The following FSHR variants were observed in gnomAD, a reference collection of about 807,000 sequenced individuals.
FSHR encodes follicle-stimulating hormone receptor.
In FSHR, 46 loss-of-function variants were observed where a neutral mutation model predicts 52.1. That is an observed-to-expected ratio of 0.88 (90% CI 0.70 to 1.13). The LOEUF (loss-of-function observed/expected upper bound fraction) is 1.13. Ranked by LOEUF, FSHR falls within the 50% of genes most tolerant of loss-of-function variation. The pLI is 0.00. For synonymous variants in FSHR, 399 were observed against 309.6 expected, an observed-to-expected ratio of 1.29 and a Z score of -3.03; for missense variants, 964 against 834.6, an observed-to-expected ratio of 1.16 and a Z score of -1.91.
At chr2:49,145,530 G>A (rs1193808722) in intron 1 of FSHR, among the ~76,000 whole-genome samples, 1 of 152,040 alleles carries the variant, frequency 6.6e-6, no homozygotes, top group Admixed American at 6.6e-5. Context: ...CTGGCATCAG[G>A]CAGGCAGGTA....
At chr2:48,997,179 C>T (rs186542494) in intron 4 of FSHR, 139 of 967,976 alleles carry the variant, frequency 1.4e-4, no homozygotes, top group Middle Eastern at 5.2e-4. Context: ...GTTCACTTAC[C>T]TTTTCAGAGT....
chr2:49,139,476 C>A (rs1214467671), intron 1 of FSHR, among the ~76,000 whole-genome samples: 6 of 152,044 alleles, frequency 3.9e-5, no homozygotes, highest in Non-Finnish European at 5.9e-5. Flanking sequence ...CCAAGCTGAC[C>A]ATGGAAGACC....
chr2:49,128,864 T>C (rs1381548584), intron 1 of FSHR, among the ~76,000 whole-genome samples: 7 of 151,902 alleles, frequency 4.6e-5, no homozygotes, highest in African/African-American at 1.7e-4. Context: ...AGAACTGATA[T>C]CAGAAGACAG....
At chr2:48,997,543 C>A (rs2104130142) in intron 4 of FSHR, among the ~76,000 whole-genome samples, 1 of 151,712 alleles carries the variant, frequency 6.6e-6, no homozygotes, top group African/African-American at 2.4e-5. Context: ...GGTTTCAAGT[C>A]CTCCTGGCCT....
At chr2:49,046,583 C>T (rs1478421577) in intron 2 of FSHR, among the ~76,000 whole-genome samples, 1 of 152,168 alleles carries the variant, frequency 6.6e-6, no homozygotes, top group Non-Finnish European at 1.5e-5. Flanking sequence ...CAACAAATGG[C>T]AGCTGTGATT....
chr2:49,149,535 T>C (rs763748478), intron 1 of FSHR, among the ~76,000 whole-genome samples: 3 of 152,084 alleles, frequency 2.0e-5, no homozygotes, highest in Non-Finnish European at 4.4e-5. Context: ...ATCCTCAGAA[T>C]ACTCTTAGAA....
intron 2 of FSHR, among the ~76,000 whole-genome samples, chr2:49,064,019 A>C (rs1193196496): frequency 6.6e-6 from 1 of 151,846 alleles, no homozygotes; most frequent in African/African-American, 2.4e-5. Context: ...AAAAAGAAAA[A>C]ACTGTGGAAC....
At chr2:49,049,813 G>T (rs951100750) in intron 2 of FSHR, among the ~76,000 whole-genome samples, 16 of 135,020 alleles carry the variant, frequency 1.2e-4, no homozygotes, top group African/African-American at 4.6e-4. Context: ...GACTCATATA[G>T]CCCCTACTCT....
chr2:49,127,884 TTCTTCTTCTTCTTC>T (rs1558457027), intron 1 of FSHR, among the ~76,000 whole-genome samples: 2,385 of 44,750 alleles, frequency 0.053, 294 homozygotes, highest in Middle Eastern at 0.076. Context: ...CTTCTTCTTC[TTCTTCTTCTTCTTC>T]TTTTTTTTTT....
At chr2:49,049,764 A>G (rs927699532) in intron 2 of FSHR, among the ~76,000 whole-genome samples, 1 of 151,698 alleles carries the variant, frequency 6.6e-6, no homozygotes, top group African/African-American at 2.4e-5. Context: ...GGGAACATCT[A>G]TAAAATTACA....
chr2:49,089,111 ATATT>A (rs1008604633), intron 1 of FSHR, among the ~76,000 whole-genome samples: 1 of 151,234 alleles, frequency 6.6e-6, no homozygotes, highest in Non-Finnish European at 1.5e-5. Flanking sequence ...ATATAATATA[ATATT>A]TATTTATATG....
chr2:49,072,772 A>G (rs1669784328), intron 1 of FSHR, among the ~76,000 whole-genome samples: 1 of 152,164 alleles, frequency 6.6e-6, no homozygotes. Flanking sequence ...CAAAAGGTTT[A>G]CTAAAATGGT....
Position 49,127,790 on chromosome 2 carries a change from C to CTTG in FSHR, c.152+26475_152+26476insCAA, listed in dbSNP as rs1558456362. On this transcript the variant is annotated intron_variant, in intron 1 of 9. Coordinates refer to ENST00000406846, the MANE Select transcript of FSHR (RefSeq NM_000145.4). ...TCTTCTTCTTCTTCTTCTTCTTCTT[C>CTTG]TTCTTCTTCTTCTTCTTCTTCTTCT... Among the ~76,000 whole-genome samples, 58 of 53,818 alleles carry CTTG rather than the reference C, an allele frequency of 1.1e-3. 2 individuals are homozygous for CTTG. The highest frequency in any genetic ancestry group is 1.8e-3 in the Non-Finnish European group (52 of 29,548). 35.3% of individuals were successfully genotyped at this position (53,818 alleles called of 152,430 possible).
chr2:49,096,966 C>A (rs62162106), intron 1 of FSHR, among the ~76,000 whole-genome samples: 17 of 152,104 alleles, frequency 1.1e-4, no homozygotes, highest in African/African-American at 3.9e-4. Context: ...GTCTCCCCAG[C>A]CCCAGAAGCC....
intron 2 of FSHR, among the ~76,000 whole-genome samples, chr2:49,020,651 A>G (rs191848257): frequency 1.3e-5 from 2 of 152,310 alleles, no homozygotes; most frequent in East Asian, 3.9e-4. Flanking sequence ...CTGTGTTCCA[A>G]TAAAACTTTA....
At chr2:49,100,010 G>T (rs1670968187) in intron 1 of FSHR, among the ~76,000 whole-genome samples, 1 of 152,112 alleles carries the variant, frequency 6.6e-6, no homozygotes, top group South Asian at 2.1e-4. Flanking sequence ...GCATATTTGT[G>T]AGCACTAATA....
At chr2:48,975,146 C>T (rs1229498490) in intron 8 of FSHR, among the ~76,000 whole-genome samples, 1 of 151,986 alleles carries the variant, frequency 6.6e-6, no homozygotes, top group African/African-American at 2.4e-5. Context: ...GAGGGTATTT[C>T]CAGAAGAGAT....
chr2:49,147,762 C>G (rs1239838386), intron 1 of FSHR, among the ~76,000 whole-genome samples: 2 of 151,712 alleles, frequency 1.3e-5, no homozygotes, highest in African/African-American at 4.8e-5. Flanking sequence ...GGAATATAAA[C>G]CTCCCTTCCC....
intron 8 of FSHR, among the ~76,000 whole-genome samples, chr2:48,971,069 C>T (rs944936336): frequency 4.6e-5 from 7 of 152,186 alleles, no homozygotes; most frequent in South Asian, 2.1e-4. Context: ...ATTGTGACTT[C>T]CTGCTTAAGA....
Sources: gnomAD v4.1 joint callset for allele counts (sites outside exome capture counted in the v4.1 genomes callset) on GRCh38, gnomAD v4.1.1 for gene constraint, MANE v1.5 for transcripts, NCBI Gene and HGNC (gene_info 2026-07-23, HGNC 2026-07-21) for gene names.